SCFD2: variants seen among roughly 807,000 people sequenced by gnomAD.
The protein encoded by SCFD2 is sec1 family domain containing 2.
In SCFD2, 54 loss-of-function variants were observed where a neutral mutation model predicts 58.9. The observed-to-expected ratio is 0.92, with a 90% CI of 0.74 to 1.15. The LOEUF is 1.15. SCFD2 is among the 50% of genes most tolerant of loss of function. The probability of loss-of-function intolerance (pLI) is 0.00; values close to 1 mark genes in which losing one functional copy is unlikely to be tolerated. For synonymous variants in SCFD2, 321 were observed against 335.9 expected (o/e 0.96, Z 0.49); for missense variants, 805 against 836.6 (o/e 0.96, Z 0.47).
At chr4:52,960,368 C>CTTT (rs35967473) in intron 5 of SCFD2, among the ~76,000 whole-genome samples, 2 of 135,174 alleles carry the variant, frequency 1.5e-5, no homozygotes, top group South Asian at 2.5e-4. Context: ...TCTTCTTCTT[C>CTTT]TTTTTTTTTT....
chr4:53,006,890 C>A (rs1220303336), intron 5 of SCFD2, among the ~76,000 whole-genome samples: 1 of 152,248 alleles, frequency 6.6e-6, no homozygotes, highest in African/African-American at 2.4e-5. Flanking sequence ...CTGAACAGGG[C>A]AGCTCCTGCT....
chr4:52,920,233 T>C (rs1346539131), intron 6 of SCFD2, among the ~76,000 whole-genome samples: 1 of 152,234 alleles, frequency 6.6e-6, no homozygotes, highest in East Asian at 1.9e-4. Flanking sequence ...TAGGTCCTCC[T>C]GCCCTCCTTT....
At chr4:52,914,467 T>A (rs1434202394) in intron 6 of SCFD2, among the ~76,000 whole-genome samples, 2 of 152,122 alleles carry the variant, frequency 1.3e-5, no homozygotes, top group Admixed American at 6.5e-5. Flanking sequence ...TCCAAGTAGC[T>A]CCTCAGTAGC....
At chr4:53,162,382 A>G (rs1329675611) in intron 4 of SCFD2, among the ~76,000 whole-genome samples, 1 of 152,196 alleles carries the variant, frequency 6.6e-6, no homozygotes, top group Non-Finnish European at 1.5e-5. Flanking sequence ...CCACAGAACA[A>G]AGCAAAAGTC....
At chr4:53,004,778 C>T (rs1295645138) in intron 5 of SCFD2, among the ~76,000 whole-genome samples, 1 of 152,120 alleles carries the variant, frequency 6.6e-6, no homozygotes, top group Non-Finnish European at 1.5e-5. Context: ...AGATGGTGCA[C>T]CACTGGAAGT....
At chr4:53,113,711 A>G (rs1360841350) in intron 5 of SCFD2, among the ~76,000 whole-genome samples, 1 of 152,028 alleles carries the variant, frequency 6.6e-6, no homozygotes, top group East Asian at 1.9e-4. Flanking sequence ...GAACCCTAGC[A>G]CCCAGCACAC....
At chr4:53,327,176 A>C (rs1560448342) in intron 2 of SCFD2, among the ~76,000 whole-genome samples, 1 of 151,670 alleles carries the variant, frequency 6.6e-6, no homozygotes, top group East Asian at 1.9e-4. Flanking sequence ...CGTCTTGGGG[A>C]GGGTTGGTAG....
chr4:53,224,361 C>G lies in SCFD2; in HGVS notation c.1311+49465G>C, dbSNP rs377642675. ...CCGAGATCACCCCACTGCACTCCAG[C>G]CTGGGCAACAGAGCAAGACTCCGTC... On this transcript the variant is annotated intron_variant, in intron 4 of 8. Coordinates refer to ENST00000401642, the MANE Select transcript of SCFD2 (RefSeq NM_152540.4). Among the ~76,000 whole-genome samples the G allele has an allele frequency of 5.0e-4, 75 of 149,828 alleles. 1 individual carries two copies. The East Asian group carries it at 0.013, about 26-fold the overall frequency.
At chr4:53,332,411 G>A (rs1438183560) in intron 2 of SCFD2, among the ~76,000 whole-genome samples, 1 of 151,472 alleles carries the variant, frequency 6.6e-6, no homozygotes, top group African/African-American at 2.4e-5. Flanking sequence ...GATCAAGTGG[G>A]CTTCATCCCT....
intron 4 of SCFD2, among the ~76,000 whole-genome samples, chr4:53,232,041 G>T (rs1423539168): frequency 6.6e-6 from 1 of 152,034 alleles, no homozygotes; most frequent in Non-Finnish European, 1.5e-5. Context: ...AGACAGAAGA[G>T]AAATTCTATA....
rs115695693 is a variant in SCFD2, at chr4:53,074,061, T to C, written c.1561+71272A>G. Among the ~76,000 whole-genome samples, 703 of 152,288 alleles carry C rather than the reference T, an allele frequency of 4.6e-3. 2 individuals carry two copies. The highest frequency in any genetic ancestry group is 0.016 in the African/African-American group (675 of 41,564). On this transcript the variant is annotated intron_variant, in intron 5 of 8. Coordinates refer to ENST00000401642, the MANE Select transcript of SCFD2 (RefSeq NM_152540.4). ...TGTCTGTAGCATGTAAGCACCACAG[T>C]AGAACTTCTTTCAAGATTGGAGCCA...
intron 5 of SCFD2, among the ~76,000 whole-genome samples, chr4:53,034,683 GACAA>G (rs1323114636): frequency 1.3e-5 from 2 of 152,110 alleles, no homozygotes; most frequent in East Asian, 3.9e-4. Flanking sequence ...ACCAATAACA[GACAA>G]ACAGAGAGCC....
Position 53,188,418 on chromosome 4 carries a change from GGTGTGTGTGTGTGTGTGT to G in SCFD2, c.1312-42854_1312-42837del, listed in dbSNP as rs56120914. On this transcript the variant is annotated intron_variant, in intron 4 of 8. Coordinates refer to ENST00000401642, the MANE Select transcript of SCFD2 (RefSeq NM_152540.4). ...GACAAAGTCCTCACACTTCAAAACT[GGTGTGTGTGTGTGTGTGT>G]GTGTGTGTGTGTGTGTGTGTGTGTG... 2.4e-3 allele frequency among the ~76,000 whole-genome samples: 343 copies of G among 143,560 alleles called. 1 individual carries two copies. Among genetic ancestry groups the G allele is most frequent in the African/African-American group, 8.5e-3 (331 of 38,802 alleles). 94.2% of individuals were successfully genotyped at this position (143,560 alleles called of 152,430 possible).
intron 2 of SCFD2, among the ~76,000 whole-genome samples, chr4:53,328,956 C>A (rs1577971897): frequency 2.0e-5 from 3 of 152,234 alleles, no homozygotes; most frequent in Admixed American, 2.0e-4. Flanking sequence ...TCAGGGAGTT[C>A]CCTTTCCGAG....
intron 4 of SCFD2, among the ~76,000 whole-genome samples, chr4:53,252,964 G>T (rs1270501088): frequency 1.3e-5 from 2 of 152,046 alleles, no homozygotes; most frequent in Non-Finnish European, 2.9e-5. Flanking sequence ...CTACAAAATG[G>T]GAGAAAATTT....
chr4:53,268,022 T>C (rs1297617680), intron 4 of SCFD2, among the ~76,000 whole-genome samples: 4 of 152,122 alleles, frequency 2.6e-5, no homozygotes, highest in Non-Finnish European at 5.9e-5. Flanking sequence ...GGACATGTGA[T>C]GTAGACAGCA....
chr4:53,264,080 A>G (rs1345544077), intron 4 of SCFD2, among the ~76,000 whole-genome samples: 1 of 152,176 alleles, frequency 6.6e-6, no homozygotes, highest in Admixed American at 6.5e-5. Flanking sequence ...AAAGGGGTAA[A>G]GCCGGCAGTC....
intron 5 of SCFD2, among the ~76,000 whole-genome samples, chr4:53,134,810 G>T (rs1389406664): frequency 1.3e-5 from 2 of 152,114 alleles, no homozygotes; most frequent in African/African-American, 4.8e-5. Context: ...AATGCAGAAG[G>T]CCCAGTGTCA....
chr4:52,874,227 G>A (rs1718416850), intron 8 of SCFD2, among the ~76,000 whole-genome samples, 166 bp from the exon 9 acceptor site: 1 of 152,200 alleles, frequency 6.6e-6, no homozygotes, highest in African/African-American at 2.4e-5. Flanking sequence ...CCTGGCGCTA[G>A]TGCCCTGCCT....
Sources: gnomAD v4.1 joint callset for allele counts (sites outside exome capture counted in the v4.1 genomes callset) on GRCh38, gnomAD v4.1.1 for gene constraint, MANE v1.5 for transcripts, NCBI Gene and HGNC (gene_info 2026-07-23, HGNC 2026-07-21) for gene names.